COL22A1: variants seen among roughly 807,000 people sequenced by gnomAD.
COL22A1 encodes collagen type XXII alpha 1 chain.
A neutral mutation model predicts 248.9 loss-of-function variants in COL22A1; 221 were observed. The ratio of observed to expected loss-of-function variants is 0.89; its 90% CI spans 0.80 to 0.99. The LOEUF (loss-of-function observed/expected upper bound fraction) is 0.99. Among genes scored for constraint, COL22A1 ranks in the 50% least tolerant of loss-of-function variants. The probability of loss-of-function intolerance (pLI) is 0.00; values close to 1 mark genes in which losing one functional copy is unlikely to be tolerated. For synonymous variants in COL22A1, 891 were observed against 793.4 expected, an observed-to-expected ratio of 1.12 and a Z score of -2.07; for missense variants, 2,240 against 2,179.0, an observed-to-expected ratio of 1.03 and a Z score of -0.56.
At chr8:138,620,956 TC>T (rs1819738572) in intron 52 of COL22A1, among the ~76,000 whole-genome samples, 2 of 82,096 alleles carry the variant, frequency 2.4e-5, no homozygotes. Context: ...CATCCATCCA[TC>T]CATCCATCCA....
In COL22A1 at chr8:138,606,381, C is replaced by T. The variant is rs769862699; in HGVS notation, c.4104G>A (p.Pro1368=). The T allele has an allele frequency of 1.2e-5, 20 of 1,611,780 alleles. No individual in the cohort carries two copies. The highest frequency in any genetic ancestry group is 2.2e-5 in the East Asian group (1 of 44,826). Reference sequence around the variant, plus strand: ...GGCCCCACTGGGGTTCTCTGCTTACCGGAGGCCCACGGGGACCCAGGAAGC... The same window carrying T: ...GGCCCCACTGGGGTTCTCTGCTTACTGGAGGCCCACGGGGACCCAGGAAGC... The part of the protein sequence containing the change: ...LPGFLGPRGP[P]GEPGEKGVPG... Residue 1368 remains proline, a splice_region_variant and synonymous_variant, in exon 58 of 65, where the codon CCG becomes CCA. Transcript: ENST00000303045.
intron 3 of COL22A1, among the ~76,000 whole-genome samples, chr8:138,860,213 C>T (rs1403627507): frequency 2.0e-5 from 3 of 152,212 alleles, no homozygotes; most frequent in African/African-American, 7.2e-5. Context: ...CTCACCCTAG[C>T]TCTCTTTTCA....
rs770249679 is a variant in COL22A1 at position 138,821,161 on chromosome 8, C to A, written c.1220G>T (p.Arg407Leu). ...DIQGKTVIGK[R>L]LYDSVPIDFD... ...GTCAATGGGCACACTGTCGTAGAGG[C>A]GCTTGCCAATCACAGTCTTGCCCTG... is the stretch of plus-strand genomic sequence containing the variant. Residue 407 changes from arginine to leucine, a missense_variant, in exon 7 of 65, where the codon CGC (arginine) becomes CTC (leucine). Physicochemically the swap from Arg to Leu is moderately radical, Grantham distance 102. Transcript: ENST00000303045. 8.1e-6 allele frequency: 13 copies of A among 1,614,182 alleles called. No individual in the cohort carries two copies. Among genetic ancestry groups the A allele is most frequent in the Non-Finnish European group, 1.1e-5 (13 of 1,180,028 alleles).
At chr8:138,794,782 A>G (rs753752039) in intron 12 of COL22A1, among the ~76,000 whole-genome samples, 2 of 152,218 alleles carry the variant, frequency 1.3e-5, no homozygotes, top group African/African-American at 2.4e-5. Flanking sequence ...TCTGGAGGAC[A>G]TTATGCTAAC....
rs1817480156 is a variant in COL22A1 at position 138,805,513 on chromosome 8, GTGTGTATATGTGTGATGGCA to G, written c.1494+2235_1494+2254del. ...TGATGGTGTGTGTGTGTGATGGTGT[GTGTGTATATGTGTGATGGCA>G]TGTGTGTGATGGTATGTGTGATGGT... On this transcript the variant is annotated intron_variant, in intron 10 of 64. Coordinates refer to ENST00000303045, the MANE Select transcript of COL22A1 (RefSeq NM_152888.3). 2.6e-3 allele frequency among the ~76,000 whole-genome samples: 379 copies of G among 147,096 alleles called. 3 individuals carry two copies. The highest frequency in any genetic ancestry group is 9.3e-3 in the African/African-American group (358 of 38,404).
chr8:138,664,209 GCACACACACACACACACA>G (rs1173353118), intron 41 of COL22A1, among the ~76,000 whole-genome samples: 45 of 103,202 alleles, frequency 4.4e-4, no homozygotes, highest in South Asian at 2.1e-3. Context: ...GCGCGCGCGC[GCACACACACACACACACA>G]CACACACACA....
chr8:138,796,775 T>C (rs1395886121), intron 12 of COL22A1, 44 bp downstream of exon 12: 3 of 1,375,968 alleles, frequency 2.2e-6, no homozygotes, highest in Non-Finnish European at 3.1e-6. Flanking sequence ...CTAAGTCCTC[T>C]GTCCCATTCC....
chr8:138,686,041 A>G (rs1826322079), intron 37 of COL22A1, among the ~76,000 whole-genome samples: 1 of 152,128 alleles, frequency 6.6e-6, no homozygotes, highest in African/African-American at 2.4e-5. Flanking sequence ...TTTGTCAGGT[A>G]GCTCTGTTAT....
rs1436195637 is a variant in COL22A1 at position 138,602,276 on chromosome 8, G to A, written c.4141-117C>T. 1.7e-5 allele frequency: 19 copies of A among 1,122,608 alleles called. 1 individual carries two copies. In the South Asian group the frequency reaches 2.6e-4, roughly 15 times the overall value. The allele number at this position is 1,122,608 out of a possible 1,614,324, so 69.5% of individuals were successfully genotyped here. A position where few individuals can be genotyped will look rare whatever the true frequency, so the allele number is the denominator to read the frequency against. ...AGGACAAGGGACCCTCAAAAGATAA[G>A]GTCCCCCGAGGGCTCCTTTCTGATT... On this transcript the variant is annotated intron_variant, in intron 59 of 64. Coordinates refer to ENST00000303045, the MANE Select transcript of COL22A1 (RefSeq NM_152888.3).
At chr8:138,767,132 C>G (rs1314573370) in intron 16 of COL22A1, among the ~76,000 whole-genome samples, 1 of 152,186 alleles carries the variant, frequency 6.6e-6, no homozygotes, top group East Asian at 1.9e-4. Context: ...TAATACTTAC[C>G]CAGTAAAGCT....
intron 31 of COL22A1, among the ~76,000 whole-genome samples, chr8:138,700,840 C>T (rs1377836833): frequency 6.6e-6 from 1 of 152,078 alleles, no homozygotes; most frequent in East Asian, 1.9e-4. Context: ...AAAAAATTAG[C>T]TAGGCGTGAT....
chr8:138,636,223 A>G (rs1406326488), intron 48 of COL22A1, among the ~76,000 whole-genome samples: 2 of 152,072 alleles, frequency 1.3e-5, no homozygotes, highest in Admixed American at 1.3e-4. Flanking sequence ...CCATGCTCAG[A>G]TCCACAGAGA....
chr8:138,628,531 T>C (rs897789205), intron 50 of COL22A1, among the ~76,000 whole-genome samples: 4 of 152,162 alleles, frequency 2.6e-5, no homozygotes, highest in Non-Finnish European at 5.9e-5. Flanking sequence ...AGTGAAACTG[T>C]TTCAGAAGAA....
chr8:138,865,293 A>C (rs765897979), intron 3 of COL22A1, among the ~76,000 whole-genome samples: 3 of 152,166 alleles, frequency 2.0e-5, no homozygotes, highest in Non-Finnish European at 4.4e-5. Flanking sequence ...ATGTGTGTGC[A>C]TCTGAGTATG....
intron 31 of COL22A1, among the ~76,000 whole-genome samples, chr8:138,701,922 G>T (rs186351964): frequency 1.3e-5 from 2 of 152,150 alleles, no homozygotes; most frequent in Non-Finnish European, 2.9e-5. Flanking sequence ...CATATTGTAC[G>T]CATATTAATT....
At chr8:138,753,912 G>C (rs1466901751) in intron 21 of COL22A1, among the ~76,000 whole-genome samples, 1 of 152,218 alleles carries the variant, frequency 6.6e-6, no homozygotes, top group East Asian at 1.9e-4. Flanking sequence ...ATGAAGTAAA[G>C]TAATTCCCCT....
Position 138,826,529 on chromosome 8 carries a change from C to T in COL22A1, c.969+129G>A, listed in dbSNP as rs188747368. On this transcript the variant is annotated intron_variant, in intron 6 of 64. Transcript: ENST00000303045. ...CCTGCAGGTCCTCTGAGCCTCCATA[C>T]GCCAGGCTCTCTATCTCTCTAGGCC... The T allele has an allele frequency of 2.5e-4, 238 of 968,466 alleles. 2 individuals carry two copies. Among genetic ancestry groups the T allele is most frequent in the African/African-American group, 2.2e-3 (138 of 61,416 alleles). The allele number at this position is 968,466 out of a possible 1,614,324, so 60.0% of individuals were successfully genotyped here.
intron 18 of COL22A1, among the ~76,000 whole-genome samples, chr8:138,759,041 T>G (rs1038261912): frequency 2.0e-5 from 3 of 152,166 alleles, no homozygotes; most frequent in South Asian, 2.1e-4. Context: ...CAAGAATATA[T>G]TAAAATCCTG....
In COL22A1 at chr8:138,594,023, G is replaced by A. The variant is rs933180755; in HGVS notation, c.4609C>T (p.Pro1537Ser). The part of the protein sequence containing the change: ...GLEGPSGPIG[P>S]KGERGAKGDP... ...CCTCCAGGTCTTCACTCACCTTTGG[G>A]ACCTATGGGTCCAGAGGGTCCTTCC... Residue 1537 changes from proline (P) to serine (S), a missense_variant, in exon 63 of 65, where the codon CCC (proline) becomes TCC (serine). Coordinates refer to ENST00000303045, the MANE Select transcript of COL22A1 (RefSeq NM_152888.3). 2 of 1,567,952 alleles carry A rather than the reference G, an allele frequency of 1.3e-6. No homozygotes were observed. The highest frequency in any genetic ancestry group is 1.2e-5 in the South Asian group (1 of 85,112).
Sources: gnomAD v4.1 joint callset for allele counts (sites outside exome capture counted in the v4.1 genomes callset) on GRCh38, gnomAD v4.1.1 for gene constraint, MANE v1.5 for transcripts, NCBI Gene and HGNC (gene_info 2026-07-23, HGNC 2026-07-21) for gene names.